Variants in MAFG observed in about 807,000 individuals in gnomAD.
MAFG encodes MAF bZIP transcription factor G, also known as transcription factor MafG.
MAFG carries 3 observed loss-of-function variants against 12.2 expected under a neutral mutation model. The observed-to-expected ratio is 0.25, with a 90% CI of 0.11 to 0.64. The LOEUF (loss-of-function observed/expected upper bound fraction) is 0.64. Among genes scored for constraint, MAFG ranks in the 30% least tolerant of loss-of-function variants. The pLI, the probability that MAFG is intolerant of heterozygous loss-of-function variation, is 0.85. For synonymous variants in MAFG, 126 were observed against 109.1 expected, an observed-to-expected ratio of 1.15 and a Z score of -0.96; for missense variants, 153 against 235.5, an observed-to-expected ratio of 0.65 and a Z score of 2.29.
At position 81,922,731 on chromosome 17, in the gene MAFG, C is replaced by A; in HGVS notation, c.363G>T (p.Val121=). 1 of 1,570,188 alleles carries A rather than the reference C, an allele frequency of 6.4e-7. No individual in the cohort carries two copies. Among genetic ancestry groups the A allele is most frequent in the African/African-American group, 1.4e-5 (1 of 74,044 alleles). ...YEALQTFART[V]ARSPVAPARG... ...GGGCTGGCGCCACGGGGCTGCGGGC[C>A]ACCGTCCGGGCGAAGGTCTGCAGCG... Residue 121 remains valine (V), a synonymous_variant, in exon 3 of 3, where the codon GTG becomes GTT. Transcript: ENST00000357736.
At chr17:81,925,026 G>T (rs559758431) in intron 1 of MAFG, among the ~76,000 whole-genome samples, 2 of 152,250 alleles carry the variant, frequency 1.3e-5, no homozygotes, top group South Asian at 4.1e-4. Flanking sequence ...TGCGCCGGGG[G>T]GTGGGGGAGG....
upstream of MAFG, chr17:81,930,649 G>C (rs2040977785): frequency 6.6e-6 from 1 of 152,178 alleles, no homozygotes; most frequent in Non-Finnish European, 1.5e-5. The surrounding 1 kb of genome is among the most constrained non-coding windows in gnomAD (Gnocchi z 4.1). Context: ...GGGCGACAGA[G>C]AACCTCTCTA....
intron 1 of MAFG, among the ~76,000 whole-genome samples, chr17:81,927,009 G>A (rs1408417158): frequency 6.6e-6 from 1 of 152,184 alleles, no homozygotes; most frequent in African/African-American, 2.4e-5. Flanking sequence ...CGCGACTGAC[G>A]GAACCCGAGC....
rs577079755 is a variant in MAFG at position 81,925,401 on chromosome 17, G to A, written c.-30+2127C>T. On this transcript the variant is annotated intron_variant, in intron 1 of 2. Coordinates refer to ENST00000357736, the MANE Select transcript of MAFG (RefSeq NM_002359.4). ...GCCCCACCTGGCTGCAAAGCCCAGCGGCCGAAACTCCCCGGCAGTCATGGC... is the reference window on the plus strand; with the variant it reads ...GCCCCACCTGGCTGCAAAGCCCAGCAGCCGAAACTCCCCGGCAGTCATGGC... Among the ~76,000 whole-genome samples, 9 of 152,334 alleles carry A rather than the reference G, an allele frequency of 5.9e-5. No homozygotes were observed. The East Asian group carries it at 1.7e-3, about 29-fold the overall frequency.
intron 1 of MAFG, 48 bp from the exon 2 acceptor site, chr17:81,923,262 A>ACG (rs1367797849): frequency 2.2e-5 from 8 of 362,738 alleles, no homozygotes; most frequent in Non-Finnish European, 2.4e-5. Flanking sequence ...CCCTCGCCGC[A>ACG]CCCCCCCCCC....
rs1419270057 is a variant in MAFG at position 81,920,011 on chromosome 17, G to A, written c.*2594C>T. 6.6e-6 allele frequency: 1 copy of A among 152,272 alleles called. No homozygotes were observed. The highest frequency in any genetic ancestry group is 1.5e-5 in the Non-Finnish European group (1 of 68,072). The allele number at this position is 152,272 out of a possible 1,614,324, so 9.4% of individuals were successfully genotyped here. A position where few individuals can be genotyped will look rare whatever the true frequency, so the allele number is the denominator to read the frequency against. ...TCGCCTCCAGGTCTGCAGCCTGGCA[G>A]AGGTGCTCAAAATGGATGGCCACCC... On this transcript the variant is annotated 3_prime_UTR_variant, in exon 3 of 3. Coordinates refer to ENST00000357736, the MANE Select transcript of MAFG (RefSeq NM_002359.4).
intron 1 of MAFG, among the ~76,000 whole-genome samples, chr17:81,923,783 C>T (rs1485759640): frequency 6.6e-6 from 1 of 152,194 alleles, no homozygotes; most frequent in Non-Finnish European, 1.5e-5. Flanking sequence ...ACAGCCACCT[C>T]CCCTGAGCCG....
intron 1 of MAFG, among the ~76,000 whole-genome samples, chr17:81,925,889 C>T (rs112912291): frequency 4.6e-5 from 7 of 151,580 alleles, no homozygotes; most frequent in South Asian, 2.1e-4. Flanking sequence ...TCCAGGCCAA[C>T]GGTCAGCTAA....
chr17:81,922,872 C>T lies in MAFG; in HGVS notation c.222G>A (p.Thr74=), dbSNP rs766990632. ...YAASCRVKRV[T]QKEELEKQKA... ...TCTGCTTCTCCAGCTCCTCCTTCTG[C>T]GTCACCCGCTTCACGCGGCAGCTGG... Residue 74 remains threonine, a synonymous_variant, in exon 3 of 3, where the codon ACG becomes ACA. Coordinates refer to ENST00000357736, the MANE Select transcript of MAFG (RefSeq NM_002359.4). The T allele has an allele frequency of 1.2e-5, 19 of 1,611,592 alleles. No homozygotes were observed. Among genetic ancestry groups the T allele is most frequent in the East Asian group, 2.2e-5 (1 of 44,838 alleles).
intron 1 of MAFG, 46 bp from the exon 2 acceptor site, chr17:81,923,260 GCAC>G: frequency 5.8e-5 from 25 of 430,534 alleles, no homozygotes; most frequent in South Asian, 4.1e-4. Flanking sequence ...CACCCTCGCC[GCAC>G]CCCCCCCCCC....
chr17:81,924,668 G>A lies in MAFG; in HGVS notation c.-29-1454C>T, dbSNP rs981446434. Among the ~76,000 whole-genome samples, 1 of 152,204 alleles carries A rather than the reference G, an allele frequency of 6.6e-6. No individual in the cohort carries two copies. Among genetic ancestry groups the A allele is most frequent in the African/African-American group, 2.4e-5 (1 of 41,440 alleles). The stretch of plus-strand genomic sequence containing the variant: ...AGCCAGCTCAGAGGCAAGGTCCCGA[G>A]GCTCCAGCCACTGGATTCTTCCAGA... On this transcript the variant is annotated intron_variant, in intron 1 of 2. Transcript: ENST00000357736. The surrounding 1 kb of genome is among the most constrained non-coding windows in gnomAD (Gnocchi z 4.7).
Position 81,922,635 on chromosome 17 carries a change from T to C in MAFG, c.459A>G (p.Ile153Met). Residue 153 changes from isoleucine to methionine, a missense_variant, in exon 3 of 3, where the codon ATA (isoleucine) becomes ATG (methionine). Physicochemically the swap from Ile to Met is conservative, Grantham distance 10 (BLOSUM62 1). Around this residue, in one of 3 missense-constraint regions of MAFG, gnomAD observed 81 missense variants for 94.7 expected, o/e 0.86. Coordinates refer to ENST00000357736, the MANE Select transcript of MAFG (RefSeq NM_002359.4). ...GKVAATSVIT[I>M]VKSKTDARS ...ATCGGGCATCCGTCTTGGACTTTAC[T>C]ATTGTGATGACGCTGGTGGCGGCCA... is the stretch of plus-strand genomic sequence containing the variant. 1.3e-6 allele frequency: 2 copies of C among 1,500,916 alleles called. No individual in the cohort carries two copies. Among genetic ancestry groups the C allele is most frequent in the Non-Finnish European group, 1.8e-6 (2 of 1,129,232 alleles). 93.0% of individuals were successfully genotyped at this position (1,500,916 alleles called of 1,614,324 possible).
upstream of MAFG, among the ~76,000 whole-genome samples, chr17:81,928,729 T>G (rs139439195): frequency 6.6e-6 from 1 of 152,280 alleles, no homozygotes; most frequent in East Asian, 1.9e-4. The surrounding 1 kb of genome is among the most constrained non-coding windows in gnomAD (Gnocchi z 8.1). Context: ...GGGCATGATA[T>G]GGTCCTGGCG....
Position 81,920,803 on chromosome 17 carries a change from C to CACTGGTGGA in MAFG, c.*1793_*1801dup, listed in dbSNP as rs1191414991. ...CCCTGGAGACTGTAGCCCTTGTCTG[C>CACTGGTGGA]ACTGGTGGAGACCCCCAAGGCTCTC... On this transcript the variant is annotated 3_prime_UTR_variant, in exon 3 of 3. Coordinates refer to ENST00000357736, the MANE Select transcript of MAFG (RefSeq NM_002359.4). 6.6e-6 allele frequency: 1 copy of CACTGGTGGA among 152,374 alleles called. No homozygotes were observed. The highest frequency in any genetic ancestry group is 2.4e-5 in the African/African-American group (1 of 41,456). 9.4% of individuals were successfully genotyped at this position (152,374 alleles called of 1,614,324 possible). A position where few individuals can be genotyped will look rare whatever the true frequency, so the allele number is the denominator to read the frequency against.
Position 81,919,356 on chromosome 17 carries a change from C to T in MAFG, c.*3249G>A, listed in dbSNP as rs1200477617. On this transcript the variant is annotated 3_prime_UTR_variant, in exon 3 of 3. Coordinates refer to ENST00000357736, the MANE Select transcript of MAFG (RefSeq NM_002359.4). ...GCTGCAGCCGCTCAGGGCCGTGGGC[C>T]GGGCCCTGATCACCAGTCAGAAGTG... 3 of 152,292 alleles carry T rather than the reference C, an allele frequency of 2.0e-5. No individual in the cohort carries two copies. Among genetic ancestry groups the T allele is most frequent in the African/African-American group, 7.2e-5 (3 of 41,458 alleles). The allele number at this position is 152,292 out of a possible 1,614,324, so 9.4% of individuals were successfully genotyped here. A position where few individuals can be genotyped will look rare whatever the true frequency, so the allele number is the denominator to read the frequency against.
In MAFG at chr17:81,919,436, C is replaced by T. The variant is rs2040865188; in HGVS notation, c.*3169G>A. On this transcript the variant is annotated 3_prime_UTR_variant, in exon 3 of 3. Transcript: ENST00000357736. Reference sequence around the variant, plus strand: ...GCTGAGCCAGCAACACCAGTGCCACCCCGAGCAGCAGCCAGGGGCCTCACT... The same window carrying T: ...GCTGAGCCAGCAACACCAGTGCCACTCCGAGCAGCAGCCAGGGGCCTCACT... 1 of 152,392 alleles carries T rather than the reference C, an allele frequency of 6.6e-6. No individual in the cohort carries two copies. The highest frequency in any genetic ancestry group is 1.5e-5 in the Non-Finnish European group (1 of 68,154). 9.4% of individuals were successfully genotyped at this position (152,392 alleles called of 1,614,324 possible). A position where few individuals can be genotyped will look rare whatever the true frequency, so the allele number is the denominator to read the frequency against.
chr17:81,921,010 G>T lies in MAFG; in HGVS notation c.*1595C>A, dbSNP rs144061996. ...GGCCAGAGGAAGACGGCCAGGGAACGCTTGGCCATAGCCCTGTGGCCACCC... is the reference window on the plus strand; with the variant it reads ...GGCCAGAGGAAGACGGCCAGGGAACTCTTGGCCATAGCCCTGTGGCCACCC... On this transcript the variant is annotated 3_prime_UTR_variant, in exon 3 of 3. Transcript: ENST00000357736. 6.6e-6 allele frequency: 1 copy of T among 152,376 alleles called. No homozygotes were observed. Among genetic ancestry groups the T allele is most frequent in the Non-Finnish European group, 1.5e-5 (1 of 68,154 alleles). The allele number at this position is 152,376 out of a possible 1,614,324, so 9.4% of individuals were successfully genotyped here. A position where few individuals can be genotyped will look rare whatever the true frequency, so the allele number is the denominator to read the frequency against.
chr17:81,927,610 G>T lies in MAFG; in HGVS notation c.-112C>A. On this transcript the variant is annotated 5_prime_UTR_variant, in exon 1 of 3. Coordinates refer to ENST00000357736, the MANE Select transcript of MAFG (RefSeq NM_002359.4). The stretch of plus-strand genomic sequence containing the variant: ...GGCCGCGCGGGGCAGGGACCGGCGC[G>T]AGGGGTCCGGGCCCGGGGCTCGGAG... 1 of 146,620 alleles carries T rather than the reference G, an allele frequency of 6.8e-6. No homozygotes were observed. The highest frequency in any genetic ancestry group is 2.0e-4 in the South Asian group (1 of 5,126). The allele number at this position is 146,620 out of a possible 1,614,324, so 9.1% of individuals were successfully genotyped here. A position where few individuals can be genotyped will look rare whatever the true frequency, so the allele number is the denominator to read the frequency against.
Position 81,918,428 on chromosome 17 carries a change from G to C in MAFG, c.*4177C>G, listed in dbSNP as rs2040851410. 1 of 212,662 alleles carries C rather than the reference G, an allele frequency of 4.7e-6. No individual in the cohort carries two copies. The highest frequency in any genetic ancestry group is 1.2e-4 in the South Asian group (1 of 8,638). 13.2% of individuals were successfully genotyped at this position (212,662 alleles called of 1,614,324 possible). On this transcript the variant is annotated 3_prime_UTR_variant, in exon 3 of 3. Transcript: ENST00000357736. The stretch of plus-strand genomic sequence containing the variant: ...AAATACTGCGCAGGGCAGGGGTAGG[G>C]CACCAAGGCCACTGCCCTGCAAGAG...
Sources: gnomAD v4.1 joint callset for allele counts (sites outside exome capture counted in the v4.1 genomes callset) on GRCh38, gnomAD v4.1.1 for gene constraint, gnomAD v4.1.1 regional missense constraint, Gnocchi (gnomAD v3.1) non-coding constraint, MANE v1.5 for transcripts, NCBI Gene and HGNC (gene_info 2026-07-23, HGNC 2026-07-21) for gene names.